The following IQCM variants were observed in gnomAD, a reference collection of about 807,000 sequenced individuals.
IQCM encodes IQ domain-containing protein M.
In IQCM, 45 loss-of-function variants were observed where a neutral mutation model predicts 57.6. The observed-to-expected ratio is 0.78, with a 90% CI of 0.62 to 1.00. The LOEUF is 1.00. Among genes scored for constraint, IQCM ranks in the 50% least tolerant of loss-of-function variants. The pLI is 0.00. For missense variants in IQCM, 468 were observed against 511.6 expected, an observed-to-expected ratio of 0.91 and a Z score of 0.82; for synonymous variants, 148 against 158.9, an observed-to-expected ratio of 0.93 and a Z score of 0.51.
chr4:149,646,736 C>A (rs374543978), intron 7 of IQCM, among the ~76,000 whole-genome samples: 8 of 152,314 alleles, frequency 5.3e-5, no homozygotes, highest in African/African-American at 1.2e-4. Flanking sequence ...GTAATCCCAG[C>A]GCTTTGGGAG....
chr4:149,597,070 G>T (rs1753842726), intron 8 of IQCM, among the ~76,000 whole-genome samples: 1 of 151,756 alleles, frequency 6.6e-6, no homozygotes, highest in Admixed American at 6.6e-5. Context: ...CATGTTTAGA[G>T]AAATATATTG....
At chr4:149,683,932 T>C (rs905072473) in intron 6 of IQCM, among the ~76,000 whole-genome samples, 2 of 151,290 alleles carry the variant, frequency 1.3e-5, no homozygotes, top group Non-Finnish European at 3.0e-5. Flanking sequence ...AAACATGAAT[T>C]GTCATGTAAC....
At chr4:149,534,513 T>G (rs1747085664) in intron 12 of IQCM, among the ~76,000 whole-genome samples, 1 of 152,084 alleles carries the variant, frequency 6.6e-6, no homozygotes, top group African/African-American at 2.4e-5. Flanking sequence ...TCCAAACCAC[T>G]GAACAACATC....
intron 7 of IQCM, among the ~76,000 whole-genome samples, chr4:149,648,664 C>T (rs1307452674): frequency 5.3e-5 from 8 of 152,032 alleles, no homozygotes; most frequent in South Asian, 2.1e-4. Context: ...AACCAAACAC[C>T]GCATGTTCTC....
intron 5 of IQCM, among the ~76,000 whole-genome samples, chr4:149,720,138 A>G (rs1457014087): frequency 6.6e-6 from 1 of 152,200 alleles, no homozygotes; most frequent in East Asian, 1.9e-4. Flanking sequence ...TTGAACAAAC[A>G]TGTTCTAATG....
chr4:149,481,416 T>C (rs1740755875), intron 12 of IQCM, among the ~76,000 whole-genome samples: 1 of 152,104 alleles, frequency 6.6e-6, no homozygotes, highest in South Asian at 2.1e-4. Flanking sequence ...TTAATCTATC[T>C]AGATTTTATT....
At chr4:149,449,847 C>G (rs10019255) in intron 12 of IQCM, among the ~76,000 whole-genome samples, 147,535 of 151,900 alleles carry the variant, frequency 0.97, 71,791 homozygotes, top group East Asian at 1. Context: ...CACAGAAATA[C>G]AAAAGAAAAA....
intron 8 of IQCM, among the ~76,000 whole-genome samples, chr4:149,596,616 G>A (rs997307541): frequency 1.3e-5 from 2 of 152,124 alleles, no homozygotes; most frequent in Admixed American, 1.3e-4. Flanking sequence ...TAGAAAGAGA[G>A]AGACTGTGAG....
At chr4:149,762,800 C>A (rs571702528) in intron 2 of IQCM, among the ~76,000 whole-genome samples, 2 of 152,152 alleles carry the variant, frequency 1.3e-5, no homozygotes, top group African/African-American at 4.8e-5. Context: ...ATTTAACAAA[C>A]AAATTGCTTA....
intron 2 of IQCM, among the ~76,000 whole-genome samples, chr4:149,771,471 G>C (rs1770576292): frequency 6.6e-6 from 1 of 152,074 alleles, no homozygotes. Flanking sequence ...GATTATGAAA[G>C]TTATCTCTTC....
intron 12 of IQCM, among the ~76,000 whole-genome samples, chr4:149,445,262 A>C (rs553030980): frequency 6.6e-6 from 1 of 151,964 alleles, no homozygotes; most frequent in East Asian, 1.9e-4. Flanking sequence ...GGGCAACAGG[A>C]CTGTCAAGGT....
At chr4:149,669,550 C>A (rs986679599) in intron 7 of IQCM, among the ~76,000 whole-genome samples, 1 of 152,074 alleles carries the variant, frequency 6.6e-6, no homozygotes, top group Non-Finnish European at 1.5e-5. Context: ...AAGTCCTTGC[C>A]CATGCCTATG....
At chr4:149,518,329 G>A (rs1340775810) in intron 12 of IQCM, among the ~76,000 whole-genome samples, 1 of 152,094 alleles carries the variant, frequency 6.6e-6, no homozygotes, top group Non-Finnish European at 1.5e-5. Flanking sequence ...TGCTTACTGG[G>A]TAGATGAGAG....
At chr4:149,514,507 T>C (rs547569991) in intron 12 of IQCM, 1 of 152,328 alleles carries the variant, frequency 6.6e-6, no homozygotes, top group African/African-American at 2.4e-5. Flanking sequence ...AGGCATAGGA[T>C]GAAAAGCATT....
At chr4:149,516,961 A>T (rs1745032449) in intron 12 of IQCM, among the ~76,000 whole-genome samples, 1 of 152,108 alleles carries the variant, frequency 6.6e-6, no homozygotes, top group South Asian at 2.1e-4. Context: ...AAGGTAAGTA[A>T]GAGTATGCAT....
intron 5 of IQCM, among the ~76,000 whole-genome samples, chr4:149,723,420 G>C (rs1011379466): frequency 2.6e-5 from 4 of 151,758 alleles, no homozygotes; most frequent in Non-Finnish European, 4.4e-5. Flanking sequence ...ATTGGCTGTG[G>C]GTCTATCATA....
chr4:149,673,770 G>A (rs1028548523), intron 7 of IQCM, among the ~76,000 whole-genome samples: 2 of 152,096 alleles, frequency 1.3e-5, no homozygotes, highest in African/African-American at 4.8e-5. Context: ...GCACCAAGCG[G>A]AACTAATAGA....
At chr4:149,658,917 CA>C (rs1759890107) in intron 7 of IQCM, among the ~76,000 whole-genome samples, 1 of 151,964 alleles carries the variant, frequency 6.6e-6, no homozygotes, top group Non-Finnish European at 1.5e-5. Flanking sequence ...ATGTTGTCTT[CA>C]AACAGGAACA....
chr4:149,448,171 T>C (rs1401154126), intron 12 of IQCM, among the ~76,000 whole-genome samples: 1 of 151,682 alleles, frequency 6.6e-6, no homozygotes, highest in East Asian at 1.9e-4. Context: ...TTATATTCAA[T>C]ATGCTCTATG....
Sources: allele counts gnomAD v4.1 joint callset (sites outside exome capture counted in the v4.1 genomes callset), GRCh38; gene constraint gnomAD v4.1.1; transcripts MANE v1.5; gene names NCBI Gene and HGNC (gene_info 2026-07-23, HGNC 2026-07-21).